CUL2: variants seen among roughly 807,000 people sequenced by gnomAD.
The protein encoded by CUL2 is cullin-2.
CUL2 carries 22 observed loss-of-function variants against 110.2 expected under a neutral mutation model. That is an observed-to-expected ratio of 0.20 (90% CI 0.14 to 0.28). The LOEUF is 0.28. Ranked by LOEUF, CUL2 falls within the 10% of genes least tolerant of loss-of-function variation. CUL2 has a pLI of 1.00. For synonymous variants in CUL2, 279 were observed against 293.2 expected (o/e 0.95, Z 0.49); for missense variants, 631 against 905.5 (o/e 0.70, Z 3.89).
At chr10:35,074,376 T>C in intron 1 of CUL2, 1 of 655,928 alleles carries the variant, frequency 1.5e-6, no homozygotes, top group Non-Finnish European at 2.7e-6. Flanking sequence ...ACTGAACACA[T>C]CAGCCTGATT....
chr10:35,105,919 A>G (rs1304996534), intron 1 of CUL2, among the ~76,000 whole-genome samples: 5 of 152,152 alleles, frequency 3.3e-5, no homozygotes, highest in Non-Finnish European at 7.4e-5. Context: ...TGTACTTTAC[A>G]CATAGATAGC....
intron 1 of CUL2, among the ~76,000 whole-genome samples, chr10:35,110,086 G>T (rs1205505570): frequency 6.6e-6 from 1 of 151,960 alleles, no homozygotes; most frequent in Non-Finnish European, 1.5e-5. Context: ...GAGTTAGGAG[G>T]ATCACTTGAG....
At position 35,112,929 on chromosome 10, in the gene CUL2, C is replaced by T. The variant is rs554503534; in HGVS notation, c.-50-11869G>A. ...AGAATTCAGGCCAGGCGTGGTGGCT[C>T]ACGTCTGTAATCCCAGTACTTTGGG... On this transcript the variant is annotated intron_variant, in intron 1 of 5. Transcript: ENST00000685421. 2.0e-5 allele frequency among the ~76,000 whole-genome samples: 3 copies of T among 151,886 alleles called. No homozygotes were observed. The South Asian group carries it at 6.2e-4, about 32-fold the overall frequency.
chr10:35,050,122 A>C (rs1000551531), intron 5 of CUL2, among the ~76,000 whole-genome samples: 17 of 152,234 alleles, frequency 1.1e-4, no homozygotes, highest in Middle Eastern at 6.8e-3. Flanking sequence ...GGAGATCAAG[A>C]CCATCCTGGC....
intron 4 of CUL2, among the ~76,000 whole-genome samples, chr10:35,057,824 T>C (rs547337568): frequency 5.3e-5 from 8 of 152,200 alleles, no homozygotes; most frequent in South Asian, 2.1e-4. Context: ...CTGGACGCAG[T>C]GGCTCACGCC....
intron 8 of CUL2, among the ~76,000 whole-genome samples, chr10:35,041,242 A>G (rs886628406): frequency 6.6e-6 from 1 of 152,260 alleles, no homozygotes; most frequent in East Asian, 1.9e-4. Context: ...CAGGAATTAC[A>G]GTGGGTCTGA....
At chr10:35,043,007 G>A (rs576962524) in intron 8 of CUL2, among the ~76,000 whole-genome samples, 7 of 152,036 alleles carry the variant, frequency 4.6e-5, no homozygotes, top group African/African-American at 1.7e-4. Flanking sequence ...CTGCTGCTTG[G>A]TGTGTGGGAG....
chr10:35,056,163 C>T (rs1308362851), intron 4 of CUL2, among the ~76,000 whole-genome samples: 1 of 152,160 alleles, frequency 6.6e-6, no homozygotes, highest in Non-Finnish European at 1.5e-5. Context: ...AAAGCAAGAA[C>T]CTCCTCTTGT....
At chr10:35,076,742 C>T (rs1048984360) in intron 1 of CUL2, among the ~76,000 whole-genome samples, 27 of 152,014 alleles carry the variant, frequency 1.8e-4, no homozygotes, top group African/African-American at 6.5e-4. Context: ...TATATATCTG[C>T]TTTTTTCTCT....
At chr10:35,016,925 TCAAAAAAAAAAAAAAAA>T (rs1349436310) in intron 17 of CUL2, among the ~76,000 whole-genome samples, 1 of 92,730 alleles carries the variant, frequency 1.1e-5, no homozygotes, top group African/African-American at 4.5e-5. Context: ...AGACTCTGTC[TCAAAAAAAAAAAAAAAA>T]CAAAAAAAAA....
intron 8 of CUL2, among the ~76,000 whole-genome samples, chr10:35,039,526 A>G (rs997519295): frequency 6.6e-6 from 1 of 152,226 alleles, no homozygotes; most frequent in Non-Finnish European, 1.5e-5. Context: ...ATGGAACTGT[A>G]TGTGCATGAT....
chr10:35,051,871 T>C (rs568161338), intron 5 of CUL2, among the ~76,000 whole-genome samples: 1 of 152,328 alleles, frequency 6.6e-6, no homozygotes, highest in African/African-American at 2.4e-5. Flanking sequence ...GGTTTCTTTA[T>C]TGTGTTTTGG....
intron 2 of CUL2, among the ~76,000 whole-genome samples, chr10:35,068,046 C>A (rs932270213): frequency 1.2e-4 from 18 of 144,442 alleles, no homozygotes; most frequent in African/African-American, 4.4e-4. Flanking sequence ...GGAGGCGGAG[C>A]TTGCAGTGAG....
intron 1 of CUL2, chr10:35,120,646 C>T (rs1183330187): frequency 6.6e-6 from 1 of 152,044 alleles, no homozygotes; most frequent in Non-Finnish European, 1.5e-5. Context: ...TGTGAAATCT[C>T]AGCAATTTGA....
intron 18 of CUL2, among the ~76,000 whole-genome samples, chr10:35,015,148 C>T (rs1394427166): frequency 6.6e-6 from 1 of 151,946 alleles, no homozygotes; most frequent in African/African-American, 2.4e-5. Flanking sequence ...ACAAAATTAG[C>T]TGGGCATGGT....
At chr10:35,024,160 T>C (rs2085278309) in intron 17 of CUL2, among the ~76,000 whole-genome samples, 1 of 152,184 alleles carries the variant, frequency 6.6e-6, no homozygotes. Flanking sequence ...ATTTGACCTT[T>C]GACTACCACT....
intron 2 of CUL2, among the ~76,000 whole-genome samples, chr10:35,068,595 C>T (rs2086597543): frequency 1.3e-5 from 2 of 152,182 alleles, no homozygotes; most frequent in African/African-American, 4.8e-5. Context: ...TAATTGCTTG[C>T]ATTATAATTA....
At chr10:35,034,841 C>T (rs1331077511) in intron 10 of CUL2, among the ~76,000 whole-genome samples, 1 of 152,210 alleles carries the variant, frequency 6.6e-6, no homozygotes, top group African/African-American at 2.4e-5. Flanking sequence ...ATTAATACTA[C>T]TACCATGACA....
intron 8 of CUL2, among the ~76,000 whole-genome samples, chr10:35,044,125 A>G (rs2085874748): frequency 6.6e-6 from 1 of 151,876 alleles, no homozygotes; most frequent in Non-Finnish European, 1.5e-5. Flanking sequence ...AACAGACCAA[A>G]AGAGTGACTC....
Sources: gnomAD v4.1 joint callset for allele counts (sites outside exome capture counted in the v4.1 genomes callset) on GRCh38, gnomAD v4.1.1 for gene constraint, MANE v1.5 for transcripts, NCBI Gene and HGNC (gene_info 2026-07-23, HGNC 2026-07-21) for gene names.